Variants in DSCAML1 observed in about 807,000 individuals in gnomAD.
The protein encoded by DSCAML1 is DS cell adhesion molecule like 1, also known as cell adhesion molecule DSCAML1.
A neutral mutation model predicts 200.5 loss-of-function variants in DSCAML1; 38 were observed. The ratio of observed to expected loss-of-function variants is 0.19; its 90% CI spans 0.15 to 0.25. DSCAML1 has a LOEUF of 0.25. Ranked by LOEUF, DSCAML1 falls within the 10% of genes least tolerant of loss-of-function variation. DSCAML1 has a pLI of 1.00. For synonymous variants in DSCAML1, 1,215 were observed against 1,165.0 expected (o/e 1.04, Z -0.87); for missense variants, 2,223 against 2,858.8 (o/e 0.78, Z 5.07).
At chr11:117,507,857 C>A (rs2049532843) in intron 8 of DSCAML1, among the ~76,000 whole-genome samples, 1 of 152,212 alleles carries the variant, frequency 6.6e-6, no homozygotes, top group South Asian at 2.1e-4. Flanking sequence ...CTCTGGCGGC[C>A]TCTTTTCCTG....
chr11:117,608,229 T>C (rs1271463558), intron 3 of DSCAML1, among the ~76,000 whole-genome samples: 1 of 152,164 alleles, frequency 6.6e-6, no homozygotes, highest in Non-Finnish European at 1.5e-5. Context: ...AATTGCACAA[T>C]GGAGAGATGG....
chr11:117,583,298 C>G (rs753774002), intron 3 of DSCAML1, among the ~76,000 whole-genome samples: 5 of 152,174 alleles, frequency 3.3e-5, no homozygotes, highest in Non-Finnish European at 7.3e-5. Context: ...CTGCACACTC[C>G]TCTGCCAGGC....
intron 14 of DSCAML1, among the ~76,000 whole-genome samples, chr11:117,474,669 A>G (rs1203587879): frequency 6.6e-6 from 1 of 151,728 alleles, no homozygotes; most frequent in Non-Finnish European, 1.5e-5. Flanking sequence ...CTTGAATGGC[A>G]CCACCATTAT....
chr11:117,566,731 C>T (rs1465626985), intron 3 of DSCAML1, among the ~76,000 whole-genome samples: 4 of 146,048 alleles, frequency 2.7e-5, no homozygotes, highest in Non-Finnish European at 4.5e-5. Context: ...CTCCCCACTC[C>T]CCCTACCCCA....
chr11:117,666,688 T>G (rs551045945), intron 3 of DSCAML1, among the ~76,000 whole-genome samples: 1 of 152,336 alleles, frequency 6.6e-6, no homozygotes, highest in South Asian at 2.1e-4. Context: ...TCTGAAGGGC[T>G]GGCCCCGGCA....
At position 117,709,305 on chromosome 11, in the gene DSCAML1, G is replaced by A. The variant is rs1265858403; in HGVS notation, c.511+67486C>T. Reference sequence around the variant, plus strand: ...AGTCTAAGGTCAAGGTGCCAATGGGGTCAGAGACTGGGGAGGGCTCTCCCC... The same window carrying A: ...AGTCTAAGGTCAAGGTGCCAATGGGATCAGAGACTGGGGAGGGCTCTCCCC... On this transcript the variant is annotated intron_variant, in intron 3 of 32. Coordinates refer to ENST00000651296, the MANE Select transcript of DSCAML1 (RefSeq NM_020693.4). Among the ~76,000 whole-genome samples, 3 of 152,214 alleles carry A rather than the reference G, an allele frequency of 2.0e-5. No individual in the cohort carries two copies. In the East Asian group the frequency reaches 5.8e-4, roughly 29 times the overall value.
intron 3 of DSCAML1, among the ~76,000 whole-genome samples, chr11:117,739,671 C>T (rs1472924794): frequency 2.0e-5 from 3 of 152,158 alleles, no homozygotes; most frequent in African/African-American, 7.2e-5. Flanking sequence ...GTGCACTGTA[C>T]GACTCAAAGG....
intron 3 of DSCAML1, among the ~76,000 whole-genome samples, chr11:117,575,320 A>G (rs917441625): frequency 2.6e-5 from 4 of 152,250 alleles, no homozygotes; most frequent in African/African-American, 7.2e-5. Context: ...TTTGAGACCC[A>G]CCACAAGCAC....
At chr11:117,671,673 C>T (rs907184946) in intron 3 of DSCAML1, among the ~76,000 whole-genome samples, 1 of 152,192 alleles carries the variant, frequency 6.6e-6, no homozygotes, top group Non-Finnish European at 1.5e-5. Flanking sequence ...AATTCTATCA[C>T]ACCTACAGTC....
chr11:117,670,751 T>A (rs1013429625), intron 3 of DSCAML1, among the ~76,000 whole-genome samples: 1 of 152,156 alleles, frequency 6.6e-6, no homozygotes, highest in African/African-American at 2.4e-5. Context: ...TCTATTGTAG[T>A]CCGGTTTCTA....
In DSCAML1 at chr11:117,710,659, C is replaced by T. The variant is rs148336136; in HGVS notation, c.511+66132G>A. Among the ~76,000 whole-genome samples, 10 of 152,316 alleles carry T rather than the reference C, an allele frequency of 6.6e-5. No homozygotes were observed. The East Asian group carries it at 1.9e-3, about 29-fold the overall frequency. On this transcript the variant is annotated intron_variant, in intron 3 of 32. Transcript: ENST00000651296. ...AAAATTAGGATAATTACAGTGCCTA[C>T]CTGTGAGGTCATTAGTGTTAAATGA...
At chr11:117,609,178 G>A (rs1345423451) in intron 3 of DSCAML1, among the ~76,000 whole-genome samples, 3 of 150,798 alleles carry the variant, frequency 2.0e-5, no homozygotes, top group Non-Finnish European at 4.4e-5. Context: ...CAGGCTGGGC[G>A]ACAGAGCCAG....
intron 3 of DSCAML1, among the ~76,000 whole-genome samples, chr11:117,774,983 TA>T (rs950351493): frequency 6.6e-6 from 1 of 152,160 alleles, no homozygotes; most frequent in Non-Finnish European, 1.5e-5. Flanking sequence ...TTTAATGCAA[TA>T]ATTATCATTA....
intron 3 of DSCAML1, among the ~76,000 whole-genome samples, chr11:117,636,208 T>C (rs2052278813): frequency 6.6e-6 from 1 of 152,200 alleles, no homozygotes; most frequent in Non-Finnish European, 1.5e-5. Flanking sequence ...TTCATCTGCA[T>C]GATGGCTACA....
chr11:117,767,782 G>A (rs1384292008), intron 3 of DSCAML1, among the ~76,000 whole-genome samples: 1 of 152,128 alleles, frequency 6.6e-6, no homozygotes, highest in Non-Finnish European at 1.5e-5. Context: ...CTTGCCACTT[G>A]GAATCTGTGT....
intron 3 of DSCAML1, among the ~76,000 whole-genome samples, chr11:117,587,462 T>G (rs1184119109): frequency 7.9e-5 from 12 of 152,044 alleles, no homozygotes; most frequent in Admixed American, 7.9e-4. Context: ...GACACCAGTG[T>G]TCTCTGTCAT....
chr11:117,755,641 G>A (rs2137878843), intron 3 of DSCAML1, among the ~76,000 whole-genome samples: 1 of 152,222 alleles, frequency 6.6e-6, no homozygotes, highest in South Asian at 2.1e-4. Flanking sequence ...ATGCAAAAAG[G>A]AACCATTTTA....
intron 19 of DSCAML1, among the ~76,000 whole-genome samples, chr11:117,456,428 C>G (rs566767046): frequency 6.6e-6 from 1 of 152,112 alleles, no homozygotes; most frequent in African/African-American, 2.4e-5. Flanking sequence ...ATAAAGTATA[C>G]GGAGACAAGA....
chr11:117,802,645 G>C (rs2055672261), intron 1 of DSCAML1, among the ~76,000 whole-genome samples: 1 of 152,146 alleles, frequency 6.6e-6, no homozygotes, highest in African/African-American at 2.4e-5. Flanking sequence ...CAGGACATTA[G>C]ACCCCGCAGG....
Sources: gnomAD v4.1 joint callset for allele counts (sites outside exome capture counted in the v4.1 genomes callset) on GRCh38, gnomAD v4.1.1 for gene constraint, MANE v1.5 for transcripts, NCBI Gene and HGNC (gene_info 2026-07-23, HGNC 2026-07-21) for gene names.